The following RPP40 variants were observed in gnomAD, a reference collection of about 807,000 sequenced individuals.
RPP40 encodes the protein ribonuclease P/MRP subunit p40.
A neutral mutation model predicts 42.5 loss-of-function variants in RPP40; 30 were observed. The ratio of observed to expected loss-of-function variants is 0.71; its 90% CI spans 0.53 to 0.96. RPP40 has a LOEUF of 0.96. Among genes scored for constraint, RPP40 ranks in the 40% least tolerant of loss-of-function variants. The pLI is 0.00. For synonymous variants in RPP40, 173 were observed against 164.0 expected, an observed-to-expected ratio of 1.05 and a Z score of -0.42; for missense variants, 426 against 433.5, an observed-to-expected ratio of 0.98 and a Z score of 0.15.
downstream of RPP40, among the ~76,000 whole-genome samples, chr6:4,990,541 T>C (rs275255): frequency 0.3 from 45,146 of 151,796 alleles, 7,241 homozygotes; most frequent in African/African-American, 0.43. Flanking sequence ...TGGAGTGCAG[T>C]GGTGTGATCA....
intron 2 of RPP40, 44 bp from the exon 3 acceptor site, chr6:5,000,675 C>T (rs758513013): frequency 8.5e-7 from 1 of 1,169,954 alleles, no homozygotes; most frequent in Non-Finnish European, 1.3e-6. Flanking sequence ...CAAGAAATTA[C>T]ACCTGCAAGA....
downstream of RPP40, among the ~76,000 whole-genome samples, chr6:4,991,410 C>G (rs1257435642): frequency 1.3e-5 from 2 of 152,284 alleles, no homozygotes; most frequent in African/African-American, 4.8e-5. Flanking sequence ...TTTGTTTGAA[C>G]AGCTAAAAAT....
chr6:5,001,984 C>T, intron 2 of RPP40, 117 bp downstream of exon 2: 2 of 859,360 alleles, frequency 2.3e-6, no homozygotes, highest in Non-Finnish European at 3.6e-6. Flanking sequence ...TGCACCTGAC[C>T]ACACAGACTA....
the RPP40 span, among the ~76,000 whole-genome samples, chr6:4,989,369 G>A: frequency 0.27 from 41,138 of 151,844 alleles, 6,239 homozygotes; most frequent in African/African-American, 0.41. Flanking sequence ...GTCTAACTTG[G>A]TTCTTCTTTT....
At position 4,998,787 on chromosome 6, in the gene RPP40, T is replaced by G. The variant is rs1759457523; in HGVS notation, c.488A>C (p.Glu163Ala). The change falls in exon 5 of 8, where the codon GAA (glutamate) becomes GCA (alanine). Residue 163 changes from glutamate to alanine, a missense_variant. Coordinates refer to ENST00000380051, the MANE Select transcript of RPP40 (RefSeq NM_006638.4). ...LSLNLDSKKY[E>A]RISWSFKEKK... Reference sequence around the variant, plus strand: ...TTCTTTGAAAGACCAAGATATTCTTTCATACTTCTTAGAATCCAAGTTTAA... The same window carrying G: ...TTCTTTGAAAGACCAAGATATTCTTGCATACTTCTTAGAATCCAAGTTTAA... The G allele has an allele frequency of 6.6e-7, 1 of 1,521,458 alleles. No homozygotes were observed. The highest frequency in any genetic ancestry group is 1.4e-5 in the African/African-American group (1 of 71,498). 94.2% of individuals were successfully genotyped at this position (1,521,458 alleles called of 1,614,324 possible). A position where few individuals can be genotyped will look rare whatever the true frequency, so the allele number is the denominator to read the frequency against.
the RPP40 span, among the ~76,000 whole-genome samples, chr6:4,988,844 T>C: frequency 5.5e-4 from 84 of 152,344 alleles, no homozygotes; most frequent in African/African-American, 2.0e-3. Flanking sequence ...AAGAGTGAAA[T>C]TACTGGATCA....
At chr6:5,003,755 G>A in intron 1 of RPP40, 125 bp downstream of exon 1, 2 of 1,265,294 alleles carry the variant, frequency 1.6e-6, no homozygotes, top group South Asian at 3.1e-5. Context: ...AGCAAGCCGG[G>A]CGAGGGCCCC....
downstream of RPP40, among the ~76,000 whole-genome samples, chr6:4,991,537 T>C (rs1411565935): frequency 3.9e-5 from 6 of 152,222 alleles, no homozygotes; most frequent in African/African-American, 9.7e-5. Context: ...TCAAGTTGAT[T>C]GATAAAATTG....
In RPP40 at chr6:4,996,352, C is replaced by T; in HGVS notation, c.628G>A (p.Ala210Thr). The change falls in exon 6 of 8, where the codon GCA (alanine) becomes ACA (threonine). Residue 210 changes from alanine (A) to threonine (T), a missense_variant. Coordinates refer to ENST00000380051, the MANE Select transcript of RPP40 (RefSeq NM_006638.4). ...TGGAGATCTCTCAACGTGCTCAGTG[C>T]TACTTTTGGCTGATGCTCCTGAATT... Reference protein sequence around the residue: ...YQIQEHQPKVALSTLRDLQCP... With the variant: ...YQIQEHQPKVTLSTLRDLQCP... The T allele has an allele frequency of 6.2e-7, 1 of 1,614,072 alleles. No individual in the cohort carries two copies. Among genetic ancestry groups the T allele is most frequent in the Non-Finnish European group, 8.5e-7 (1 of 1,180,042 alleles).
chr6:5,000,512 G>A lies in RPP40; in HGVS notation c.337+51C>T, dbSNP rs760106054. The A allele has an allele frequency of 2.3e-5, 19 of 836,492 alleles. 1 individual carries two copies. Among genetic ancestry groups the A allele is most frequent in the South Asian group, 1.4e-4 (9 of 63,064 alleles). The allele number at this position is 836,492 out of a possible 1,614,324, so 51.8% of individuals were successfully genotyped here. A position where few individuals can be genotyped will look rare whatever the true frequency, so the allele number is the denominator to read the frequency against. On this transcript the variant is annotated intron_variant, in intron 3 of 7. Coordinates refer to ENST00000380051, the MANE Select transcript of RPP40 (RefSeq NM_006638.4). ...TGACTTTTTTTTTTTTTTTTTTACA[G>A]TATGCATTTTTTTTTAACAATTAAA...
downstream of RPP40, among the ~76,000 whole-genome samples, chr6:4,990,606 C>T (rs1246848953): frequency 1.3e-5 from 2 of 151,652 alleles, no homozygotes; most frequent in African/African-American, 4.9e-5. Context: ...GCCTCAGCCT[C>T]TCAAGTAGCT....
Position 4,996,049 on chromosome 6 carries a change from G to A in RPP40, c.795C>T (p.Cys265=). The change falls in exon 7 of 8, where the codon TGC becomes TGT. Residue 265 remains cysteine (C), a synonymous_variant. Coordinates refer to ENST00000380051, the MANE Select transcript of RPP40 (RefSeq NM_006638.4). ...NEPNNFISTY[C]CPEPSTVVAK... ...CCACCACTGTGCTTGGCTCAGGACA[G>A]CAATAGGTTGATATGAAATTATTAG... 6.2e-7 allele frequency: 1 copy of A among 1,614,000 alleles called. No individual in the cohort carries two copies. Among genetic ancestry groups the A allele is most frequent in the African/African-American group, 1.3e-5 (1 of 75,014 alleles).
At chr6:4,996,613 T>C (rs1396838635) in intron 5 of RPP40, among the ~76,000 whole-genome samples, 193 bp from the exon 6 acceptor site, 4 of 152,212 alleles carry the variant, frequency 2.6e-5, no homozygotes, top group African/African-American at 9.6e-5. Context: ...TAAACGTTCA[T>C]CGTTTTTCAC....
chr6:5,003,749 A>T, intron 1 of RPP40, 131 bp downstream of exon 1: 1 of 1,210,808 alleles, frequency 8.3e-7, no homozygotes, highest in South Asian at 1.6e-5. Flanking sequence ...ACTCCCAGCA[A>T]GCCGGGCGAG....
chr6:4,993,979 C>G (rs1759299066), downstream of RPP40, among the ~76,000 whole-genome samples: 1 of 152,022 alleles, frequency 6.6e-6, no homozygotes, highest in African/African-American at 2.4e-5. Flanking sequence ...GAGAAGAAAA[C>G]TTCAATTTGG....
intron 1 of RPP40, among the ~76,000 whole-genome samples, chr6:5,003,345 T>TCAAAAAAAAAAA (rs34031203): frequency 1.3e-5 from 1 of 76,586 alleles, no homozygotes; most frequent in Admixed American, 1.8e-4. Flanking sequence ...AAACTCCGTC[T>TCAAAAAAAAAAA]AAAAAAAAAA....
intron 5 of RPP40, among the ~76,000 whole-genome samples, chr6:4,997,017 C>G (rs1177841035): frequency 6.6e-6 from 1 of 152,190 alleles, no homozygotes; most frequent in Non-Finnish European, 1.5e-5. Flanking sequence ...GCTTACTGTC[C>G]CTTACAAAGG....
chr6:5,002,452 A>C (rs1759592436), intron 1 of RPP40, among the ~76,000 whole-genome samples: 1 of 152,254 alleles, frequency 6.6e-6, no homozygotes, highest in Non-Finnish European at 1.5e-5. Flanking sequence ...TCTGCATTCA[A>C]ACGTACAGTA....
At chr6:4,990,831 A>T (rs963110215), downstream of RPP40, among the ~76,000 whole-genome samples, 3 of 152,074 alleles carry the variant, frequency 2.0e-5, no homozygotes, top group Non-Finnish European at 4.4e-5. Context: ...TCTTTAACAG[A>T]TATAGGGCTA....
Sources: gnomAD v4.1 joint callset for allele counts (sites outside exome capture counted in the v4.1 genomes callset) on GRCh38, gnomAD v4.1.1 for gene constraint, MANE v1.5 for transcripts, NCBI Gene and HGNC (gene_info 2026-07-23, HGNC 2026-07-21) for gene names.